Variants in CACNA1I observed in about 807,000 individuals in gnomAD.
The protein encoded by CACNA1I is calcium voltage-gated channel subunit alpha1 I, also known as voltage-dependent T-type calcium channel subunit alpha-1I.
CACNA1I carries 74 observed loss-of-function variants against 201.6 expected under a neutral mutation model. That is an observed-to-expected ratio of 0.37 (90% CI 0.30 to 0.45). CACNA1I has a LOEUF of 0.45. Ranked by LOEUF, CACNA1I falls within the 20% of genes least tolerant of loss-of-function variation. The pLI, the probability that CACNA1I is intolerant of heterozygous loss-of-function variation, is 1.00. For missense variants in CACNA1I, 2,346 were observed against 3,138.1 expected (o/e 0.75, Z 6.03); for synonymous variants, 1,431 against 1,345.2 (o/e 1.06, Z -1.40).
intron 1 of CACNA1I, among the ~76,000 whole-genome samples, chr22:39,584,423 T>C (rs1932677203): frequency 1.3e-5 from 2 of 152,124 alleles, no homozygotes; most frequent in South Asian, 4.1e-4. Flanking sequence ...CCCAGAGACT[T>C]CCCAGCACTA....
At position 39,679,716 on chromosome 22, in the gene CACNA1I, G is replaced by A. The variant is rs373002927; in HGVS notation, c.5395-6G>A. ...GCCTGTCCCCACCCCGTCCCCGTCC[G>A]CCTAGGAGAACCTGTGGCTGGACAG... On this transcript the variant is annotated splice_polypyrimidine_tract_variant and splice_region_variant and intron_variant, in intron 32 of 36. Coordinates refer to ENST00000402142, the MANE Select transcript of CACNA1I (RefSeq NM_021096.4). 11 of 1,600,632 alleles carry A rather than the reference G, an allele frequency of 6.9e-6. No homozygotes were observed. Among genetic ancestry groups the A allele is most frequent in the East Asian group, 2.3e-5 (1 of 44,126 alleles).
chr22:39,615,322 A>T (rs1290736872), intron 3 of CACNA1I, among the ~76,000 whole-genome samples: 1 of 152,128 alleles, frequency 6.6e-6, no homozygotes, highest in East Asian at 1.9e-4. Context: ...GGCAATGGGG[A>T]GTCACTGAGG....
chr22:39,600,789 G>C, intron 3 of CACNA1I, 136 bp downstream of exon 3: 1 of 1,133,052 alleles, frequency 8.8e-7, no homozygotes, highest in Non-Finnish European at 1.2e-6. Context: ...CCTGGGCTGG[G>C]AGGAATGATG....
intron 5 of CACNA1I, among the ~76,000 whole-genome samples, chr22:39,637,186 G>A (rs927306064): frequency 1.3e-5 from 2 of 152,182 alleles, no homozygotes; most frequent in African/African-American, 4.8e-5. Flanking sequence ...GGAACTGCAT[G>A]TGTTGAAAAT....
Position 39,649,768 on chromosome 22 carries a change from A to G in CACNA1I, c.1835A>G (p.Glu612Gly). 6.2e-7 allele frequency: 1 copy of G among 1,602,496 alleles called. No homozygotes were observed. Among genetic ancestry groups the G allele is most frequent in the Non-Finnish European group, 8.5e-7 (1 of 1,174,490 alleles). Residue 612 changes from glutamate (E) to glycine (G), a missense_variant, in exon 10 of 37, where the codon GAG becomes GGG. Glu to Gly is a moderately conservative substitution (Grantham distance 98). Coordinates refer to ENST00000402142, the MANE Select transcript of CACNA1I (RefSeq NM_021096.4). This position sits in a 1 kb window ranked among gnomAD's most constrained non-coding sequence, Gnocchi z 7.3. ...SSELGKEEEE[E>G]EQADGAVWLC... ...GAACTGGGGAAGGAGGAGGAGGAGGAGGAGCAGGCGGATGGGGCGGTCTGG... is the reference window on the plus strand; with the variant it reads ...GAACTGGGGAAGGAGGAGGAGGAGGGGGAGCAGGCGGATGGGGCGGTCTGG...
chr22:39,626,539 G>A (rs1021107991), intron 4 of CACNA1I, among the ~76,000 whole-genome samples: 11 of 152,172 alleles, frequency 7.2e-5, no homozygotes, highest in Non-Finnish European at 1.2e-4. Flanking sequence ...ACTGCGTGGC[G>A]GGAAAAGGAG....
intron 6 of CACNA1I, among the ~76,000 whole-genome samples, chr22:39,642,390 G>C (rs768268390): frequency 1.1e-4 from 16 of 152,080 alleles, no homozygotes; most frequent in South Asian, 4.2e-4. Flanking sequence ...GCACTCCCAG[G>C]CTCCACCGAG....
In CACNA1I at chr22:39,572,976, C is replaced by T. The variant is rs774556230; in HGVS notation, c.236+1988C>T. 4.6e-5 allele frequency among the ~76,000 whole-genome samples: 7 copies of T among 152,132 alleles called. No individual in the cohort carries two copies. The East Asian group carries it at 7.8e-4, about 17-fold the overall frequency. On this transcript the variant is annotated intron_variant, in intron 1 of 36. Transcript: ENST00000402142. The stretch of plus-strand genomic sequence containing the variant: ...TTCACCATGTTGGTCAGGCTGGTCT[C>T]GAACTCCTGACTCGTGAACCGCCTG...
chr22:39,668,948 C>T (rs1413573759), intron 24 of CACNA1I, among the ~76,000 whole-genome samples: 1 of 152,030 alleles, frequency 6.6e-6, no homozygotes, highest in Non-Finnish European at 1.5e-5. Context: ...AGTGCAGCTT[C>T]CTGAGGGCTG....
chr22:39,658,927 G>A lies in CACNA1I; in HGVS notation c.2145-4G>A, dbSNP rs774342805. The A allele has an allele frequency of 1.4e-5, 22 of 1,588,028 alleles. No individual in the cohort carries two copies. The highest frequency in any genetic ancestry group is 1.8e-5 in the Admixed American group (1 of 57,054). ...TACCCTGGGCCTGCCCTGCGGGACC[G>A]CAGCATCTGGGAGATTGTGGGGCAG... On this transcript the variant is annotated splice_polypyrimidine_tract_variant and splice_region_variant and intron_variant, in intron 11 of 36. Coordinates refer to ENST00000402142, the MANE Select transcript of CACNA1I (RefSeq NM_021096.4).
Position 39,686,238 on chromosome 22 carries a change from G to A in CACNA1I, c.6505G>A (p.Ala2169Thr). The change falls in exon 37 of 37, where the codon GCC (alanine) becomes ACC (threonine). Residue 2169 changes from alanine (A) to threonine (T), a missense_variant. Ala to Thr is a moderately conservative substitution (Grantham distance 58, BLOSUM62 0). This residue lies in a region of CACNA1I where 187 missense variants were observed against 151.0 expected (regional missense o/e 1.24). Coordinates refer to ENST00000402142, the MANE Select transcript of CACNA1I (RefSeq NM_021096.4). Reference sequence around the variant, plus strand: ...CGCCCCCGGCCGCCCCCACGCCGCCGCCCTGGCCCACGGCCTGGCCCGGAG... The same window carrying A: ...CGCCCCCGGCCGCCCCCACGCCGCCACCCTGGCCCACGGCCTGGCCCGGAG... ...LAAPGRPHAA[A>T]LAHGLARSPS... The A allele has an allele frequency of 4.0e-6, 5 of 1,245,868 alleles. No individual in the cohort carries two copies. The highest frequency in any genetic ancestry group is 1.6e-5 in the African/African-American group (1 of 62,176). 77.2% of individuals were successfully genotyped at this position (1,245,868 alleles called of 1,614,324 possible).
At position 39,629,903 on chromosome 22, in the gene CACNA1I, A is replaced by G. The variant is rs1265549683; in HGVS notation, c.581-4662A>G. Among the ~76,000 whole-genome samples, 1 of 151,900 alleles carries G rather than the reference A, an allele frequency of 6.6e-6. No homozygotes were observed. Among genetic ancestry groups the G allele is most frequent in the Non-Finnish European group, 1.5e-5 (1 of 67,948 alleles). ...CCATTCTCCACCCAGCAGCCCAGCA[A>G]TCCTCTCACCCCTTCCCCAGATCAC... On this transcript the variant is annotated intron_variant, in intron 4 of 36. Coordinates refer to ENST00000402142, the MANE Select transcript of CACNA1I (RefSeq NM_021096.4). This position sits in a 1 kb window ranked among gnomAD's most constrained non-coding sequence, Gnocchi z 4.8.
At chr22:39,674,924 G>C (rs927207070) in intron 29 of CACNA1I, among the ~76,000 whole-genome samples, 1 of 152,242 alleles carries the variant, frequency 6.6e-6, no homozygotes. Flanking sequence ...CCTGAATTTG[G>C]TGTGAGCTTC....
rs1298055034 is a variant in CACNA1I, at chr22:39,676,883, AGCCACT to A, written c.4855-457_4855-452del. 6.6e-6 allele frequency among the ~76,000 whole-genome samples: 1 copy of A among 152,204 alleles called. No homozygotes were observed. Among genetic ancestry groups the A allele is most frequent in the Non-Finnish European group, 1.5e-5 (1 of 68,040 alleles). On this transcript the variant is annotated intron_variant, in intron 29 of 36. Transcript: ENST00000402142. The surrounding 1 kb of genome is among the most constrained non-coding windows in gnomAD (Gnocchi z 4.8). ...GTTCATCCATCCATTCAACCTTGGT[AGCCACT>A]CAAGGCGTGTAGCATAGATTGTGTG...
At chr22:39,603,305 CTT>C in intron 3 of CACNA1I, among the ~76,000 whole-genome samples, 1 of 152,288 alleles carries the variant, frequency 6.6e-6, no homozygotes, top group African/African-American at 2.4e-5. Context: ...TGCCTTTCCC[CTT>C]TTCTTTCACA....
intron 14 of CACNA1I, 116 bp from the exon 15 acceptor site, chr22:39,660,228 C>T: frequency 1.4e-6 from 1 of 722,462 alleles, no homozygotes; most frequent in Non-Finnish European, 2.3e-6. Flanking sequence ...TTTTCCAAAC[C>T]TCAGTTTTCC....
chr22:39,686,121 C>A lies in CACNA1I; in HGVS notation c.6388C>A (p.Leu2130Ile), dbSNP rs987573312. ...GSEHSETLSS[L>I]SLTSLFCPPP... ...CGAGCACTCGGAGACCCTCAGCAGC[C>A]TCTCGCTCACCTCCCTCTTCTGCCC... The change falls in exon 37 of 37, where the codon CTC (leucine) becomes ATC (isoleucine). Residue 2130 changes from leucine (L) to isoleucine (I), a missense_variant. Coordinates refer to ENST00000402142, the MANE Select transcript of CACNA1I (RefSeq NM_021096.4). 160 of 1,265,654 alleles carry A rather than the reference C, an allele frequency of 1.3e-4. No homozygotes were observed. The African/African-American group carries it at 2.3e-3, about 18-fold the overall frequency. 78.4% of individuals were successfully genotyped at this position (1,265,654 alleles called of 1,614,324 possible). A position where few individuals can be genotyped will look rare whatever the true frequency, so the allele number is the denominator to read the frequency against.
intron 1 of CACNA1I, among the ~76,000 whole-genome samples, chr22:39,578,208 C>A (rs1260471214): frequency 6.6e-6 from 1 of 152,116 alleles, no homozygotes. Flanking sequence ...AGACCTCCTC[C>A]CATCGCCTGC....
chr22:39,644,271 A>T (rs562900598), intron 7 of CACNA1I, among the ~76,000 whole-genome samples: 2 of 152,264 alleles, frequency 1.3e-5, no homozygotes, highest in East Asian at 3.9e-4. Context: ...TGTGGGGTTA[A>T]GGGTGGCTAA....
Sources: allele counts gnomAD v4.1 joint callset (sites outside exome capture counted in the v4.1 genomes callset), GRCh38; gene constraint gnomAD v4.1.1; regional missense constraint gnomAD v4.1.1; non-coding constraint Gnocchi (gnomAD v3.1); transcripts MANE v1.5; gene names NCBI Gene and HGNC (gene_info 2026-07-23, HGNC 2026-07-21).